PTPRT: variants seen among roughly 807,000 people sequenced by gnomAD.
PTPRT encodes protein tyrosine phosphatase receptor type T, also known as receptor-type tyrosine-protein phosphatase T.
A neutral mutation model predicts 176.8 loss-of-function variants in PTPRT; 56 were observed. The ratio of observed to expected loss-of-function variants is 0.32; its 90% CI spans 0.26 to 0.40. The LOEUF (loss-of-function observed/expected upper bound fraction) is 0.40, where lower values mean the gene tolerates loss of function less well. Among genes scored for constraint, PTPRT ranks in the 10% least tolerant of loss-of-function variants. The pLI, the probability that PTPRT is intolerant of heterozygous loss-of-function variation, is 1.00. For missense variants in PTPRT, 1,540 were observed against 1,908.2 expected (o/e 0.81, Z 3.60); for synonymous variants, 783 against 739.0 (o/e 1.06, Z -0.96).
chr20:42,532,748 TCCC>T (rs2072406484), intron 7 of PTPRT, among the ~76,000 whole-genome samples: 2 of 151,934 alleles, frequency 1.3e-5, no homozygotes, highest in African/African-American at 4.8e-5. Context: ...CTGAAACCAT[TCCC>T]CCAACATCTC....
intron 15 of PTPRT, among the ~76,000 whole-genome samples, chr20:42,234,222 T>C (rs1450116231): frequency 2.6e-5 from 4 of 152,216 alleles, no homozygotes; most frequent in African/African-American, 9.6e-5. Flanking sequence ...AGTGTCAACT[T>C]TGTGCCAGGC....
chr20:42,178,948 G>T (rs1990406344), intron 16 of PTPRT, among the ~76,000 whole-genome samples: 1 of 152,134 alleles, frequency 6.6e-6, no homozygotes, highest in South Asian at 2.1e-4. Context: ...AAAAGCCACA[G>T]TCTTCTTAAA....
chr20:42,180,250 A>AC (rs933163768), intron 16 of PTPRT, among the ~76,000 whole-genome samples: 1 of 152,116 alleles, frequency 6.6e-6, no homozygotes, highest in Non-Finnish European at 1.5e-5. Flanking sequence ...GTTTTGACTG[A>AC]CCTTTACAGC....
chr20:42,135,976 C>T, intron 18 of PTPRT, among the ~76,000 whole-genome samples: 1 of 152,116 alleles, frequency 6.6e-6, no homozygotes. Flanking sequence ...TGGTCCTCAT[C>T]CCACTAAGGT....
intron 7 of PTPRT, among the ~76,000 whole-genome samples, chr20:42,670,907 A>G (rs1422084297): frequency 6.6e-6 from 1 of 152,156 alleles, no homozygotes; most frequent in Non-Finnish European, 1.5e-5. Flanking sequence ...CCTGTTTTTG[A>G]GATGAGGAGG....
At chr20:42,439,638 G>C (rs781073157) in intron 9 of PTPRT, among the ~76,000 whole-genome samples, 58 of 152,146 alleles carry the variant, frequency 3.8e-4, no homozygotes, top group Non-Finnish European at 3.5e-4. Context: ...TTATTTAGAA[G>C]GTGTTTAGCT....
intron 1 of PTPRT, among the ~76,000 whole-genome samples, chr20:42,925,275 A>G (rs1979407031): frequency 6.6e-6 from 1 of 152,234 alleles, no homozygotes; most frequent in Non-Finnish European, 1.5e-5. Context: ...ACTCCGTATC[A>G]CTACCAAAAT....
intron 2 of PTPRT, among the ~76,000 whole-genome samples, chr20:42,863,483 T>C (rs1034551676): frequency 1.3e-5 from 2 of 152,226 alleles, no homozygotes; most frequent in Admixed American, 6.5e-5. Context: ...GTTTTCTTCC[T>C]CTTTAGAACA....
intron 11 of PTPRT, among the ~76,000 whole-genome samples, chr20:42,350,211 C>CTTGTTTTTTTTTTTTTTTGTTGTT (rs2058255798): frequency 1.4e-5 from 1 of 70,602 alleles, no homozygotes; most frequent in Non-Finnish European, 3.0e-5. Flanking sequence ...TAGGATGTTT[C>CTTGTTTTTTTTTTTTTTTGTTGTT]TTGTTTTTTT....
intron 7 of PTPRT, among the ~76,000 whole-genome samples, chr20:42,641,903 T>C (rs2074763383): frequency 6.6e-6 from 1 of 152,170 alleles, no homozygotes; most frequent in Admixed American, 6.5e-5. Flanking sequence ...AGCCTCATAC[T>C]GACTTCTAAG....
At chr20:42,789,093 A>G (rs2077335850) in intron 3 of PTPRT, among the ~76,000 whole-genome samples, 1 of 152,244 alleles carries the variant, frequency 6.6e-6, no homozygotes, top group South Asian at 2.1e-4. Context: ...TATACATTTT[A>G]TGAGTCCAAA....
chr20:42,645,182 A>C (rs1475250821), intron 7 of PTPRT, among the ~76,000 whole-genome samples: 1 of 152,102 alleles, frequency 6.6e-6, no homozygotes, highest in Non-Finnish European at 1.5e-5. Flanking sequence ...AGGCTGACAA[A>C]ACCCTACCTG....
At chr20:42,589,624 G>A (rs1443884703) in intron 7 of PTPRT, among the ~76,000 whole-genome samples, 1 of 152,058 alleles carries the variant, frequency 6.6e-6, no homozygotes, top group African/African-American at 2.4e-5. Context: ...TGACATGGCT[G>A]CACACATCCC....
intron 1 of PTPRT, among the ~76,000 whole-genome samples, chr20:42,889,560 C>A (rs558247091): frequency 6.6e-6 from 1 of 152,210 alleles, no homozygotes; most frequent in East Asian, 1.9e-4. Flanking sequence ...CTCTGGGGAC[C>A]TTAATGTCCC....
At chr20:42,085,707 C>T in intron 28 of PTPRT, 21 bp downstream of exon 28, 1 of 1,612,884 alleles carries the variant, frequency 6.2e-7, no homozygotes, top group Non-Finnish European at 8.5e-7. Context: ...GCTCAGCAAG[C>T]AATGGCGGCC....
At chr20:43,106,691 T>G (rs543929152) in intron 1 of PTPRT, among the ~76,000 whole-genome samples, 83 of 36,438 alleles carry the variant, frequency 2.3e-3, no homozygotes, top group African/African-American at 3.0e-3. Flanking sequence ...AAAAAAGGAA[T>G]GAAGGAACAA....
At chr20:42,712,210 G>C (rs1449877983) in intron 6 of PTPRT, among the ~76,000 whole-genome samples, 1 of 152,146 alleles carries the variant, frequency 6.6e-6, no homozygotes, top group Non-Finnish European at 1.5e-5. Flanking sequence ...AAGAGGTCCA[G>C]GTGCCAAGAT....
At chr20:42,432,799 C>T (rs1670360162) in intron 9 of PTPRT, among the ~76,000 whole-genome samples, 1 of 152,160 alleles carries the variant, frequency 6.6e-6, no homozygotes, top group South Asian at 2.1e-4. Context: ...TATAAGCCCT[C>T]ACTTCAGGAT....
intron 1 of PTPRT, among the ~76,000 whole-genome samples, chr20:43,098,547 CTT>C (rs752767685): frequency 3.0e-4 from 42 of 141,770 alleles, no homozygotes; most frequent in Middle Eastern, 7.6e-3. Flanking sequence ...TCTTTTTTTT[CTT>C]TTTTTTTTTT....
Sources: allele counts gnomAD v4.1 joint callset (sites outside exome capture counted in the v4.1 genomes callset), GRCh38; gene constraint gnomAD v4.1.1; transcripts MANE v1.5; gene names NCBI Gene and HGNC (gene_info 2026-07-23, HGNC 2026-07-21).